Variants in CFDP1 observed in about 807,000 individuals in gnomAD.
CFDP1 encodes chromatin remodeling protein CFDP1.
In CFDP1, 31 loss-of-function variants were observed where a neutral mutation model predicts 40.1. That is an observed-to-expected ratio of 0.77 (90% CI 0.58 to 1.04). The LOEUF (loss-of-function observed/expected upper bound fraction) is 1.04, where lower values mean the gene tolerates loss of function less well. Ranked by LOEUF, CFDP1 falls within the 50% of genes least tolerant of loss-of-function variation. CFDP1 has a pLI of 0.00. For synonymous variants in CFDP1, 167 were observed against 120.0 expected (o/e 1.39, Z -2.56); for missense variants, 423 against 343.4 (o/e 1.23, Z -1.83).
intron 5 of CFDP1, among the ~76,000 whole-genome samples, chr16:75,379,615 G>A (rs894145522): frequency 1.3e-5 from 2 of 152,184 alleles, no homozygotes; most frequent in East Asian, 3.8e-4. Context: ...GGTGAGGGCA[G>A]GAGGAAAGTG....
chr16:75,407,997 G>A (rs1301739020), intron 4 of CFDP1, among the ~76,000 whole-genome samples: 1 of 151,874 alleles, frequency 6.6e-6, no homozygotes, highest in African/African-American at 2.4e-5. Flanking sequence ...CCACGCACTC[G>A]GCAGGCTGAG....
chr16:75,377,563 T>C (rs1046304593), intron 5 of CFDP1, among the ~76,000 whole-genome samples: 2 of 152,158 alleles, frequency 1.3e-5, no homozygotes, highest in Non-Finnish European at 2.9e-5. Context: ...AAGAAAAAGG[T>C]GGCAAAGAAG....
At chr16:75,400,011 G>A (rs917779543) in intron 4 of CFDP1, among the ~76,000 whole-genome samples, 1 of 144,730 alleles carries the variant, frequency 6.9e-6, no homozygotes, top group Non-Finnish European at 1.5e-5. Flanking sequence ...TGAGGCAGCA[G>A]AATCGCTTGA....
intron 5 of CFDP1, among the ~76,000 whole-genome samples, chr16:75,342,878 C>A (rs1487202851): frequency 5.9e-5 from 9 of 152,166 alleles, no homozygotes; most frequent in Admixed American, 5.9e-4. Context: ...GCTAGGGATG[C>A]TGCTAAACAT....
chr16:75,395,531 C>G (rs576134783), intron 4 of CFDP1, among the ~76,000 whole-genome samples: 1 of 152,030 alleles, frequency 6.6e-6, no homozygotes, highest in South Asian at 2.1e-4. Context: ...TGGTGGCGGG[C>G]GCCTGTAGTC....
At chr16:75,393,791 G>T in intron 5 of CFDP1, among the ~76,000 whole-genome samples, 2 of 144,586 alleles carry the variant, frequency 1.4e-5, no homozygotes, top group Non-Finnish European at 3.0e-5. Context: ...CGGGCCCGGT[G>T]GCTCACGCCT....
At chr16:75,398,087 T>C (rs1376884099) in intron 4 of CFDP1, among the ~76,000 whole-genome samples, 1 of 152,216 alleles carries the variant, frequency 6.6e-6, no homozygotes, top group Non-Finnish European at 1.5e-5. Context: ...GGAGCTTAGC[T>C]GAGCCGAGTC....
intron 5 of CFDP1, among the ~76,000 whole-genome samples, chr16:75,319,521 C>T (rs776344835): frequency 6.6e-6 from 1 of 152,040 alleles, no homozygotes; most frequent in Non-Finnish European, 1.5e-5. Context: ...CAGCACTTAG[C>T]GCTCCTGCTA....
intron 6 of CFDP1, among the ~76,000 whole-genome samples, chr16:75,294,573 G>A (rs752828873): frequency 2.0e-5 from 3 of 152,184 alleles, no homozygotes; most frequent in Non-Finnish European, 4.4e-5. Flanking sequence ...CAGGACTGCA[G>A]TGAAGGTGAA....
chr16:75,303,903 A>G (rs1254389816), intron 6 of CFDP1, among the ~76,000 whole-genome samples: 1 of 152,198 alleles, frequency 6.6e-6, no homozygotes, highest in East Asian at 1.9e-4. Context: ...GCTGCCGAGC[A>G]GCCAGGGCTC....
chr16:75,312,119 G>A (rs1467528835), intron 5 of CFDP1, among the ~76,000 whole-genome samples: 1 of 152,028 alleles, frequency 6.6e-6, no homozygotes, highest in Non-Finnish European at 1.5e-5. Context: ...TCAAATCCCT[G>A]GGCAAATTTC....
chr16:75,398,926 G>A (rs4888408), intron 4 of CFDP1, among the ~76,000 whole-genome samples: 78,581 of 151,618 alleles, frequency 0.52, 21,417 homozygotes, highest in Admixed American at 0.64. Context: ...GCATGGTGGC[G>A]GGCGCCTGTA....
intron 5 of CFDP1, among the ~76,000 whole-genome samples, chr16:75,369,394 A>C (rs1435064742): frequency 5.9e-5 from 9 of 152,088 alleles, no homozygotes; most frequent in Admixed American, 2.6e-4. Context: ...AAAAAAACAA[A>C]AACAAAACAA....
intron 1 of CFDP1, among the ~76,000 whole-genome samples, chr16:75,417,685 T>C (rs1208332387): frequency 6.6e-6 from 1 of 152,132 alleles, no homozygotes; most frequent in East Asian, 1.9e-4. Flanking sequence ...ATCTCTTAAA[T>C]TCAAAAGTTT....
intron 5 of CFDP1, among the ~76,000 whole-genome samples, chr16:75,336,908 T>C (rs1293261361): frequency 6.6e-6 from 1 of 152,242 alleles, no homozygotes; most frequent in African/African-American, 2.4e-5. Flanking sequence ...ATTTCCTTTC[T>C]TGCGAGCTGT....
intron 5 of CFDP1, among the ~76,000 whole-genome samples, chr16:75,316,657 A>G (rs1305866348): frequency 6.6e-6 from 1 of 151,758 alleles, no homozygotes; most frequent in Non-Finnish European, 1.5e-5. Context: ...GTAAAGCTCT[A>G]GCTGTAAAAA....
intron 5 of CFDP1, among the ~76,000 whole-genome samples, chr16:75,355,867 C>G (rs962508801): frequency 3.9e-5 from 6 of 152,244 alleles, no homozygotes; most frequent in Admixed American, 3.3e-4. Flanking sequence ...TCAATTAAAT[C>G]TCTTTTCTTT....
chr16:75,407,943 C>CA (rs1370886228), intron 4 of CFDP1, among the ~76,000 whole-genome samples: 1 of 151,936 alleles, frequency 6.6e-6, no homozygotes, highest in Non-Finnish European at 1.5e-5. Flanking sequence ...CCCATCTCTA[C>CA]AAAAAATACA....
At chr16:75,376,070 A>T (rs927380472) in intron 5 of CFDP1, among the ~76,000 whole-genome samples, 2 of 151,766 alleles carry the variant, frequency 1.3e-5, no homozygotes, top group Non-Finnish European at 2.9e-5. Context: ...AATTAGCCAG[A>T]CATAGTGGTG....
Sources: gnomAD v4.1 joint callset for allele counts (sites outside exome capture counted in the v4.1 genomes callset) on GRCh38, gnomAD v4.1.1 for gene constraint, MANE v1.5 for transcripts, NCBI Gene and HGNC (gene_info 2026-07-23, HGNC 2026-07-21) for gene names.